The following ODAD2 variants were observed in gnomAD, a reference collection of about 807,000 sequenced individuals.
ODAD2 encodes the protein outer dynein arm docking complex subunit 2.
Under a neutral mutation model 106.8 loss-of-function variants are expected in ODAD2, and 89 were observed. The ratio of observed to expected loss-of-function variants is 0.83; its 90% CI spans 0.70 to 0.99. The LOEUF is 0.99. Among genes scored for constraint, ODAD2 ranks in the 50% least tolerant of loss-of-function variants. The pLI is 0.00. For synonymous variants in ODAD2, 404 were observed against 436.2 expected (o/e 0.93, Z 0.92); for missense variants, 1,168 against 1,238.5 (o/e 0.94, Z 0.85).
chr10:27,907,994 G>A (rs1264593424), intron 16 of ODAD2, among the ~76,000 whole-genome samples: 1 of 151,560 alleles, frequency 6.6e-6, no homozygotes, highest in Non-Finnish European at 1.5e-5. Context: ...AAAACAAGCT[G>A]CTTGATGATT....
At chr10:27,943,912 C>G (rs1185301720) in intron 12 of ODAD2, among the ~76,000 whole-genome samples, 1 of 150,572 alleles carries the variant, frequency 6.6e-6, no homozygotes, top group Non-Finnish European at 1.5e-5. Context: ...CAGCAGGTCT[C>G]ACTATCTCTT....
intron 10 of ODAD2, among the ~76,000 whole-genome samples, chr10:27,951,827 CA>C (rs2132712065): frequency 6.6e-6 from 1 of 152,070 alleles, no homozygotes; most frequent in Admixed American, 6.5e-5. Flanking sequence ...GTAATTCCAG[CA>C]CTTTGGGAGG....
rs529315469 is a variant in ODAD2 at position 27,904,237 on chromosome 10, C to T, written c.2610+3426G>A. On this transcript the variant is annotated intron_variant, in intron 17 of 19. Transcript: ENST00000305242. ...GTGCACATTCCTAAAGCCTTCCAGA[C>T]TTTCTGTAAGAAGTGTGGCAAGCAC... is the stretch of plus-strand genomic sequence containing the variant. 8.4e-5 allele frequency: 34 copies of T among 403,936 alleles called. 1 individual carries two copies. The highest frequency in any genetic ancestry group is 6.6e-4 in the South Asian group (32 of 48,818). The allele number at this position is 403,936 out of a possible 1,614,324, so 25.0% of individuals were successfully genotyped here.
At chr10:27,835,406 C>G (rs1837796623) in intron 19 of ODAD2, among the ~76,000 whole-genome samples, 1 of 152,194 alleles carries the variant, frequency 6.6e-6, no homozygotes, top group African/African-American at 2.4e-5. Flanking sequence ...CAATTCTACT[C>G]CTATAACAAC....
intron 13 of ODAD2, 101 bp from the exon 14 acceptor site, chr10:27,940,108 A>G (rs919545760): frequency 1.5e-5 from 11 of 737,358 alleles, no homozygotes; most frequent in African/African-American, 3.6e-5. Context: ...TTAGGAAATA[A>G]TCACCATAGT....
rs143839144 is a variant in ODAD2 at position 27,885,447 on chromosome 10, T to A, written c.2610+22216A>T. ...ACGGCTTGAACCTGGGAGGTGGAGG[T>A]TGCAGTGAGCCAAGATCTCACCACT... On this transcript the variant is annotated intron_variant, in intron 17 of 19. Coordinates refer to ENST00000305242, the MANE Select transcript of ODAD2 (RefSeq NM_018076.5). Among the ~76,000 whole-genome samples the A allele has an allele frequency of 7.3e-3, 942 of 128,512 alleles. 13 individuals carry two copies. The highest frequency in any genetic ancestry group is 0.028 in the African/African-American group (898 of 32,424). 84.3% of individuals were successfully genotyped at this position (128,512 alleles called of 152,430 possible).
intron 19 of ODAD2, among the ~76,000 whole-genome samples, chr10:27,859,365 ATT>A (rs1839883596): frequency 6.6e-6 from 1 of 152,222 alleles, no homozygotes; most frequent in Non-Finnish European, 1.5e-5. Context: ...TCAAACATAT[ATT>A]GAGTTTAATT....
intron 9 of ODAD2, among the ~76,000 whole-genome samples, chr10:27,964,593 T>C (rs923557602): frequency 1.3e-5 from 2 of 152,204 alleles, no homozygotes; most frequent in African/African-American, 2.4e-5. Context: ...GGTTTTGTTT[T>C]TGAAGATTTG....
intron 19 of ODAD2, among the ~76,000 whole-genome samples, chr10:27,859,446 A>G (rs1839889346): frequency 1.3e-5 from 2 of 152,322 alleles, no homozygotes; most frequent in South Asian, 4.1e-4. Flanking sequence ...AATTGCCTCA[A>G]AAATTGCCAA....
At chr10:27,942,246 T>C (rs1846510785) in intron 12 of ODAD2, among the ~76,000 whole-genome samples, 2 of 152,226 alleles carry the variant, frequency 1.3e-5, no homozygotes, top group Admixed American at 1.3e-4. Context: ...TGACCAGCAC[T>C]ACTGGTTGAT....
intron 2 of ODAD2, 77 bp from the exon 3 acceptor site, chr10:27,987,620 C>A (rs1248043931): frequency 4.2e-6 from 4 of 962,802 alleles, no homozygotes; most frequent in Non-Finnish European, 6.1e-6. Flanking sequence ...GACATTTAGA[C>A]AGATTATTCC....
intron 16 of ODAD2, among the ~76,000 whole-genome samples, chr10:27,924,074 G>GAAAGAAAGAAAGAAAGAAAGAAAGAA (rs1845060427): frequency 1.3e-5 from 2 of 151,032 alleles, no homozygotes; most frequent in African/African-American, 4.9e-5. Flanking sequence ...AAGAAAGAAA[G>GAAAGAAAGAAAGAAAGAAAGAAAGAA]AGAATCCCAG....
intron 9 of ODAD2, among the ~76,000 whole-genome samples, chr10:27,963,143 A>G (rs910529733): frequency 1.5e-4 from 23 of 151,754 alleles, no homozygotes; most frequent in African/African-American, 5.1e-4. Flanking sequence ...GAGTAGCTGG[A>G]CTTACAGGCA....
At chr10:27,821,652 A>G (rs2132869285) in intron 19 of ODAD2, among the ~76,000 whole-genome samples, 1 of 152,318 alleles carries the variant, frequency 6.6e-6, no homozygotes, top group East Asian at 1.9e-4. Context: ...GAGCAAGGTG[A>G]GGGCAGTTTC....
rs190670262 is a variant in ODAD2 at position 27,817,768 on chromosome 10, T to G, written c.3022-5143A>C. Among the ~76,000 whole-genome samples, 8 of 152,280 alleles carry G rather than the reference T, an allele frequency of 5.3e-5. No individual in the cohort carries two copies. The East Asian group carries it at 1.5e-3, about 29-fold the overall frequency. On this transcript the variant is annotated intron_variant, in intron 19 of 19. Coordinates refer to ENST00000305242, the MANE Select transcript of ODAD2 (RefSeq NM_018076.5). ...GGCACTTAGGTTGATTCCATATCTTTGCTATTGTGAATAGTGCCGCAATAC... is the reference window on the plus strand; with the variant it reads ...GGCACTTAGGTTGATTCCATATCTTGGCTATTGTGAATAGTGCCGCAATAC...
Position 27,940,575 on chromosome 10 carries a change from C to T in ODAD2, c.1974G>A (p.Glu658=). The change falls in exon 13 of 20, where the codon GAG becomes GAA. Residue 658 remains glutamate, a synonymous_variant. Coordinates refer to ENST00000305242, the MANE Select transcript of ODAD2 (RefSeq NM_018076.5). ...MLIPVVGTLQ[E]CASEENYRAA... ...CTGGCATGAGTACCTCTGATGCACA[C>T]TCTTGCAATGTCCCCACCACTGGAA... 6.2e-7 allele frequency: 1 copy of T among 1,614,108 alleles called. No homozygotes were observed. Among genetic ancestry groups the T allele is most frequent in the Non-Finnish European group, 8.5e-7 (1 of 1,179,974 alleles).
intron 16 of ODAD2, among the ~76,000 whole-genome samples, chr10:27,922,578 A>C (rs945235502): frequency 2.6e-5 from 4 of 152,156 alleles, no homozygotes; most frequent in African/African-American, 9.7e-5. Context: ...GCAATAGATG[A>C]GAATTAAAAG....
At chr10:27,835,599 G>T (rs185855677) in intron 19 of ODAD2, among the ~76,000 whole-genome samples, 1 of 151,826 alleles carries the variant, frequency 6.6e-6, no homozygotes, top group Admixed American at 6.6e-5. Context: ...TTGCTCAGAA[G>T]CCTTAACAAT....
intron 19 of ODAD2, among the ~76,000 whole-genome samples, chr10:27,844,712 A>C (rs1301626170): frequency 6.6e-6 from 1 of 152,238 alleles, no homozygotes; most frequent in African/African-American, 2.4e-5. Flanking sequence ...TTTTAGAATA[A>C]ATGTCTGGCA....
Sources: allele counts gnomAD v4.1 joint callset (sites outside exome capture counted in the v4.1 genomes callset), GRCh38; gene constraint gnomAD v4.1.1; transcripts MANE v1.5; gene names NCBI Gene and HGNC (gene_info 2026-07-23, HGNC 2026-07-21).